The following MEI4 variants were observed in gnomAD, a reference collection of about 807,000 sequenced individuals.
MEI4 encodes the protein meiosis-specific protein MEI4.
Under a neutral mutation model 31.4 loss-of-function variants are expected in MEI4, and 27 were observed. That is an observed-to-expected ratio of 0.86 (90% CI 0.63 to 1.19). MEI4 has a LOEUF of 1.19. MEI4 is among the 50% of genes most tolerant of loss of function. MEI4 has a pLI of 0.00. For synonymous variants in MEI4, 122 were observed against 145.4 expected, an observed-to-expected ratio of 0.84 and a Z score of 1.16; for missense variants, 329 against 398.9, an observed-to-expected ratio of 0.82 and a Z score of 1.49.
intron 3 of MEI4, among the ~76,000 whole-genome samples, chr6:77,764,371 G>GT (rs1561979814): frequency 1.3e-4 from 19 of 151,794 alleles, no homozygotes; most frequent in South Asian, 6.2e-4. Flanking sequence ...TCTAGCCAAG[G>GT]GTTGTCAATT....
At chr6:77,728,288 A>G (rs1377901514) in intron 2 of MEI4, among the ~76,000 whole-genome samples, 1 of 152,220 alleles carries the variant, frequency 6.6e-6, no homozygotes, top group African/African-American at 2.4e-5. Flanking sequence ...TTGTAAAAGA[A>G]GAAAAAGTCT....
intron 4 of MEI4, among the ~76,000 whole-genome samples, chr6:77,901,468 G>A (rs1224930351): frequency 2.6e-5 from 4 of 151,872 alleles, no homozygotes; most frequent in South Asian, 4.1e-4. Flanking sequence ...GGTTGGTAAT[G>A]TTAATGCATT....
At chr6:77,777,966 C>A (rs574893463) in intron 3 of MEI4, among the ~76,000 whole-genome samples, 1 of 150,956 alleles carries the variant, frequency 6.6e-6, no homozygotes. Flanking sequence ...AAAATTATGC[C>A]GATGAATAAA....
At chr6:77,674,798 A>G (rs532592693) in intron 1 of MEI4, among the ~76,000 whole-genome samples, 1 of 151,784 alleles carries the variant, frequency 6.6e-6, no homozygotes, top group Admixed American at 6.6e-5. Context: ...TCTGACTGCA[A>G]CTCCTCCTTC....
intron 2 of MEI4, among the ~76,000 whole-genome samples, chr6:77,705,860 C>CAATTAAAAAAAACACA: frequency 6.6e-6 from 1 of 152,100 alleles, no homozygotes; most frequent in East Asian, 1.9e-4. Flanking sequence ...TGAGAGAATA[C>CAATTAAAAAAAACACA]CACTGTTGAG....
At chr6:77,758,804 A>G (rs1279526787) in intron 2 of MEI4, among the ~76,000 whole-genome samples, 1 of 151,830 alleles carries the variant, frequency 6.6e-6, no homozygotes, top group Non-Finnish European at 1.5e-5. Flanking sequence ...ATTTGTTTTT[A>G]ATTGCTCATT....
intron 2 of MEI4, among the ~76,000 whole-genome samples, chr6:77,757,173 T>G (rs974512797): frequency 7.9e-5 from 12 of 152,222 alleles, no homozygotes; most frequent in African/African-American, 2.9e-4. Context: ...TTCAGGGTTT[T>G]TGTGAATATC....
chr6:77,749,623 AAGAACAAATCT>A (rs61159409), intron 2 of MEI4, among the ~76,000 whole-genome samples: 31,064 of 152,016 alleles, frequency 0.2, 3,490 homozygotes, highest in African/African-American at 0.3. Flanking sequence ...ACTGTGTGAA[AAGAACAAATCT>A]ATGCTTGATT....
chr6:77,667,940 TG>T (rs1360186459), intron 1 of MEI4, among the ~76,000 whole-genome samples: 3 of 150,576 alleles, frequency 2.0e-5, no homozygotes, highest in Non-Finnish European at 4.4e-5. Context: ...ATCAGTTGCA[TG>T]ACTATAGATC....
chr6:77,704,023 G>A (rs993832398), intron 2 of MEI4, among the ~76,000 whole-genome samples: 1 of 152,118 alleles, frequency 6.6e-6, no homozygotes, highest in Non-Finnish European at 1.5e-5. Flanking sequence ...AGATACAGAA[G>A]GAAGAGGATA....
chr6:77,777,220 A>G (rs1435806813), intron 3 of MEI4, among the ~76,000 whole-genome samples: 1 of 152,186 alleles, frequency 6.6e-6, no homozygotes, highest in African/African-American at 2.4e-5. Context: ...GAAATAGACA[A>G]TTGATAAATC....
At chr6:77,742,042 C>T (rs112251825) in intron 2 of MEI4, among the ~76,000 whole-genome samples, 31,120 of 151,778 alleles carry the variant, frequency 0.21, 3,532 homozygotes, top group African/African-American at 0.3. Context: ...GGCTTGGTTC[C>T]AAGTCTTTGC....
chr6:77,771,765 A>G (rs1158952429), intron 3 of MEI4, among the ~76,000 whole-genome samples: 5 of 152,048 alleles, frequency 3.3e-5, no homozygotes, highest in African/African-American at 9.7e-5. Context: ...GAGGGTAACA[A>G]TAGACACTGG....
chr6:77,768,183 T>C (rs1417094510), intron 3 of MEI4, among the ~76,000 whole-genome samples: 1 of 152,212 alleles, frequency 6.6e-6, no homozygotes, highest in Non-Finnish European at 1.5e-5. Flanking sequence ...TATATGATGC[T>C]GAATATTTTC....
intron 4 of MEI4, among the ~76,000 whole-genome samples, chr6:77,895,094 T>G (rs531555017): frequency 1.3e-5 from 2 of 152,320 alleles, no homozygotes; most frequent in South Asian, 4.1e-4. Flanking sequence ...AGTGAAATAT[T>G]GCATTCTCTC....
At chr6:77,922,954 C>T (rs1321396979) in intron 4 of MEI4, 135 bp from the exon 5 acceptor site, 1 of 441,804 alleles carries the variant, frequency 2.3e-6, no homozygotes, top group Non-Finnish European at 3.7e-6. Flanking sequence ...CCCTTGTTCA[C>T]CAGTGACAGG....
chr6:77,800,294 T>C (rs1296932439), intron 3 of MEI4, among the ~76,000 whole-genome samples: 1 of 152,152 alleles, frequency 6.6e-6, no homozygotes, highest in Non-Finnish European at 1.5e-5. Flanking sequence ...CGGCTCTCTG[T>C]TTGTCTGTTC....
intron 4 of MEI4, among the ~76,000 whole-genome samples, chr6:77,862,084 G>A (rs1044556711): frequency 1.3e-5 from 2 of 151,946 alleles, no homozygotes; most frequent in African/African-American, 4.8e-5. Flanking sequence ...AAAAAATGGA[G>A]GGTGGAGCCA....
chr6:77,766,188 G>T (rs1029322285), intron 3 of MEI4, among the ~76,000 whole-genome samples: 4 of 152,162 alleles, frequency 2.6e-5, no homozygotes, highest in African/African-American at 9.6e-5. Context: ...TTTTAATTAT[G>T]GGAAGTCCTT....
Sources: gnomAD v4.1 joint callset for allele counts (sites outside exome capture counted in the v4.1 genomes callset) on GRCh38, gnomAD v4.1.1 for gene constraint, MANE v1.5 for transcripts, NCBI Gene and HGNC (gene_info 2026-07-23, HGNC 2026-07-21) for gene names.